PCMTD1: variants seen among roughly 807,000 people sequenced by gnomAD.
PCMTD1 encodes protein-L-isoaspartate (D-aspartate) O-methyltransferase domain containing 1, also known as protein-L-isoaspartate O-methyltransferase domain-containing protein 1.
A neutral mutation model predicts 37.6 loss-of-function variants in PCMTD1; 12 were observed. The observed-to-expected ratio is 0.32, with a 90% CI of 0.20 to 0.52. PCMTD1 has a LOEUF of 0.52. Ranked by LOEUF, PCMTD1 falls within the 20% of genes least tolerant of loss-of-function variation. The probability of loss-of-function intolerance (pLI) is 0.97; values close to 1 mark genes in which losing one functional copy is unlikely to be tolerated. For missense variants in PCMTD1, 235 were observed against 421.3 expected (o/e 0.56, Z 3.87); for synonymous variants, 117 against 135.8 (o/e 0.86, Z 0.96).
intron 2 of PCMTD1, 29 bp from the exon 3 acceptor site, chr8:51,845,792 A>C: frequency 6.9e-7 from 1 of 1,451,688 alleles, no homozygotes; most frequent in Non-Finnish European, 9.6e-7. Context: ...TTTTATAAAA[A>C]ATATTAATAA....
At chr8:51,828,443 G>C (rs1370474089) in intron 5 of PCMTD1, among the ~76,000 whole-genome samples, 4 of 152,086 alleles carry the variant, frequency 2.6e-5, no homozygotes, top group Non-Finnish European at 4.4e-5. Context: ...TACACAGATA[G>C]TCCCTGACTT....
intron 1 of PCMTD1, among the ~76,000 whole-genome samples, chr8:51,862,368 ACACACT>A (rs1250349525): frequency 6.6e-6 from 1 of 152,016 alleles, no homozygotes; most frequent in African/African-American, 2.4e-5. Context: ...ACACACACAC[ACACACT>A]CACACACACA....
At chr8:51,855,952 C>G (rs554863694) in intron 2 of PCMTD1, among the ~76,000 whole-genome samples, 18 of 152,208 alleles carry the variant, frequency 1.2e-4, no homozygotes, top group Middle Eastern at 3.4e-3. Flanking sequence ...ACAGACTGAG[C>G]CACCGCGCCT....
intron 1 of PCMTD1, chr8:51,870,478 G>C (rs2038623371): frequency 1.3e-5 from 2 of 152,140 alleles, no homozygotes; most frequent in South Asian, 2.1e-4. Context: ...CTTGCCAAAA[G>C]CTGCAAAGAG....
intron 4 of PCMTD1, among the ~76,000 whole-genome samples, chr8:51,832,820 A>T (rs2129276212): frequency 6.6e-6 from 1 of 152,304 alleles, no homozygotes; most frequent in East Asian, 1.9e-4. Context: ...TAATGAAGTT[A>T]AGTAGTTCAA....
intron 2 of PCMTD1, 108 bp from the exon 3 acceptor site, chr8:51,845,871 T>C: frequency 1.5e-6 from 1 of 657,122 alleles, no homozygotes. Context: ...AAAGATGGCT[T>C]GAAATATGCA....
chr8:51,862,331 A>G (rs1040623547), intron 1 of PCMTD1, among the ~76,000 whole-genome samples: 12 of 147,926 alleles, frequency 8.1e-5, no homozygotes, highest in Non-Finnish European at 3.0e-5. Context: ...TCAATATTCC[A>G]AGCACTAGAA....
chr8:51,820,309 A>C lies in PCMTD1; in HGVS notation c.*42T>G. 1 of 1,479,172 alleles carries C rather than the reference A, an allele frequency of 6.8e-7. No homozygotes were observed. The highest frequency in any genetic ancestry group is 9.0e-7 in the Non-Finnish European group (1 of 1,112,314). 91.6% of individuals were successfully genotyped at this position (1,479,172 alleles called of 1,614,324 possible). A position where few individuals can be genotyped will look rare whatever the true frequency, so the allele number is the denominator to read the frequency against. On this transcript the variant is annotated 3_prime_UTR_variant, in exon 6 of 6. Transcript: ENST00000522514. ...TCCTAACAAATGCTACATTTTCAAG[A>C]CTAAAGGAATTATCAGTAGGCATTT...
intron 2 of PCMTD1, among the ~76,000 whole-genome samples, chr8:51,846,480 C>T (rs1311654700): frequency 6.6e-6 from 1 of 152,226 alleles, no homozygotes; most frequent in African/African-American, 2.4e-5. Flanking sequence ...CCTAAGGCTA[C>T]TGTACATACA....
At chr8:51,851,220 G>T (rs1172509368) in intron 2 of PCMTD1, among the ~76,000 whole-genome samples, 1 of 152,124 alleles carries the variant, frequency 6.6e-6, no homozygotes, top group Non-Finnish European at 1.5e-5. Context: ...TTTGGGGGAG[G>T]CATCATGAAA....
chr8:51,818,037 TACTTTTCC>T lies in PCMTD1; in HGVS notation c.*2306_*2313del. 4.6e-6 allele frequency: 2 copies of T among 438,524 alleles called. No individual in the cohort carries two copies. Among genetic ancestry groups the T allele is most frequent in the Non-Finnish European group, 9.2e-6 (2 of 217,484 alleles). The allele number at this position is 438,524 out of a possible 1,614,324, so 27.2% of individuals were successfully genotyped here. A position where few individuals can be genotyped will look rare whatever the true frequency, so the allele number is the denominator to read the frequency against. On this transcript the variant is annotated 3_prime_UTR_variant, in exon 6 of 6. Coordinates refer to ENST00000522514, the MANE Select transcript of PCMTD1 (RefSeq NM_052937.4). ...TTACTTTTACTTAATCTTTATTTGC[TACTTTTCC>T]ACCTATAAAGCGTAATTTTCCATAT... is the stretch of plus-strand genomic sequence containing the variant.
At chr8:51,889,549 TATC>T (rs1248442113) in intron 1 of PCMTD1, among the ~76,000 whole-genome samples, 1 of 152,208 alleles carries the variant, frequency 6.6e-6, no homozygotes, top group African/African-American at 2.4e-5. Context: ...CTGAGTCTGG[TATC>T]ATCATTTTAT....
At chr8:51,852,582 T>C (rs2038324057) in intron 2 of PCMTD1, among the ~76,000 whole-genome samples, 2 of 152,202 alleles carry the variant, frequency 1.3e-5, no homozygotes, top group Admixed American at 6.5e-5. Flanking sequence ...TAAAGCGGTA[T>C]GTATTTGCAA....
In PCMTD1 at chr8:51,833,138, C is replaced by G. The variant is rs115426699; in HGVS notation, c.582+380G>C. On this transcript the variant is annotated intron_variant, in intron 4 of 5. Transcript: ENST00000522514. ...GAGATTACAGGCGTGAGCCAGCATGCCTGGCTAGGATTTCCTTTCAGTATG... is the reference window on the plus strand; with the variant it reads ...GAGATTACAGGCGTGAGCCAGCATGGCTGGCTAGGATTTCCTTTCAGTATG... Among the ~76,000 whole-genome samples the G allele has an allele frequency of 7.3e-4, 111 of 152,290 alleles. 1 individual carries two copies. Among genetic ancestry groups the G allele is most frequent in the African/African-American group, 2.6e-3 (106 of 41,548 alleles).
At chr8:51,895,457 TA>T (rs2038986663) in intron 1 of PCMTD1, among the ~76,000 whole-genome samples, 1 of 152,214 alleles carries the variant, frequency 6.6e-6, no homozygotes, top group African/African-American at 2.4e-5. Flanking sequence ...ACTCCAAGAA[TA>T]TTTTAAGCTC....
At chr8:51,869,719 A>C (rs1466793336) in intron 1 of PCMTD1, among the ~76,000 whole-genome samples, 2 of 152,194 alleles carry the variant, frequency 1.3e-5, no homozygotes, top group African/African-American at 4.8e-5. Context: ...AAAAAGATCA[A>C]GTGTAAGAAC....
At chr8:51,855,191 A>G (rs1214506618) in intron 2 of PCMTD1, among the ~76,000 whole-genome samples, 3 of 141,804 alleles carry the variant, frequency 2.1e-5, no homozygotes, top group Non-Finnish European at 4.6e-5. Context: ...AAAAAAAAAC[A>G]AACAAAAAAA....
At chr8:51,844,395 TA>T (rs200435064) in intron 3 of PCMTD1, among the ~76,000 whole-genome samples, 2 of 151,298 alleles carry the variant, frequency 1.3e-5, no homozygotes, top group South Asian at 2.1e-4. Context: ...TGAACTACAG[TA>T]AAAAAAAACC....
intron 1 of PCMTD1, among the ~76,000 whole-genome samples, chr8:51,883,607 T>C (rs2038823294): frequency 6.6e-6 from 1 of 152,222 alleles, no homozygotes; most frequent in South Asian, 2.1e-4. Context: ...AAATGCCCGA[T>C]ATTTTTAAAA....
Sources: gnomAD v4.1 joint callset for allele counts (sites outside exome capture counted in the v4.1 genomes callset) on GRCh38, gnomAD v4.1.1 for gene constraint, MANE v1.5 for transcripts, NCBI Gene and HGNC (gene_info 2026-07-23, HGNC 2026-07-21) for gene names.